MSH3: variants seen among roughly 807,000 people sequenced by gnomAD.
MSH3 encodes DNA mismatch repair protein Msh3.
Under a neutral mutation model 123.3 loss-of-function variants are expected in MSH3, and 106 were observed. The observed-to-expected ratio is 0.86, with a 90% CI of 0.73 to 1.01. The LOEUF is 1.01. MSH3 is among the 50% of genes least tolerant of loss of function. The pLI is 0.00. For synonymous variants in MSH3, 515 were observed against 481.4 expected (o/e 1.07, Z -0.91); for missense variants, 1,459 against 1,347.6 (o/e 1.08, Z -1.29).
intron 17 of MSH3, among the ~76,000 whole-genome samples, chr5:80,786,004 A>C (rs1459143283): frequency 1.9e-4 from 6 of 32,240 alleles, no homozygotes; most frequent in South Asian, 8.4e-4. Context: ...GGTGGGGGGA[A>C]GGGGGGAGGG....
intron 17 of MSH3, among the ~76,000 whole-genome samples, chr5:80,784,067 G>T (rs1313849170): frequency 6.6e-6 from 1 of 151,788 alleles, no homozygotes; most frequent in Admixed American, 6.6e-5. Context: ...AAAATTTGCT[G>T]GGTGTGGTGG....
intron 8 of MSH3, among the ~76,000 whole-genome samples, chr5:80,716,531 C>T (rs1454240350): frequency 1.3e-5 from 2 of 152,018 alleles, no homozygotes; most frequent in Non-Finnish European, 2.9e-5. Context: ...TCCTGAGTAG[C>T]TGTGATTACG....
At chr5:80,768,758 TCA>T in intron 14 of MSH3, 75 bp from the exon 15 acceptor site, 1 of 1,287,162 alleles carries the variant, frequency 7.8e-7, no homozygotes, top group Non-Finnish European at 1.1e-6. Context: ...TCCTCTTTTA[TCA>T]CACTATGAAA....
intron 12 of MSH3, 61 bp from the exon 13 acceptor site, chr5:80,761,485 G>A (rs2112879741): frequency 6.3e-7 from 1 of 1,596,724 alleles, no homozygotes; most frequent in Non-Finnish European, 8.6e-7. Flanking sequence ...ATTAGAGTGG[G>A]AAATGTCTAT....
chr5:80,780,919 G>C (rs1459739603), intron 17 of MSH3, among the ~76,000 whole-genome samples: 32 of 151,988 alleles, frequency 2.1e-4, no homozygotes, highest in Admixed American at 2.0e-3. Flanking sequence ...CCTTCAGGGA[G>C]CTTTATTGTA....
chr5:80,695,836 G>C (rs945742285), intron 8 of MSH3, among the ~76,000 whole-genome samples: 1 of 152,118 alleles, frequency 6.6e-6, no homozygotes, highest in African/African-American at 2.4e-5. Flanking sequence ...TTCAGTTGGA[G>C]GTTTGGAGGT....
intron 2 of MSH3, among the ~76,000 whole-genome samples, chr5:80,663,846 G>A (rs1191821204): frequency 1.3e-5 from 2 of 152,182 alleles, no homozygotes; most frequent in African/African-American, 4.8e-5. Context: ...CAGGGTGGGA[G>A]TGGGCCCTAG....
intron 17 of MSH3, among the ~76,000 whole-genome samples, chr5:80,779,474 C>T (rs980377124): frequency 2.6e-5 from 4 of 151,784 alleles, no homozygotes; most frequent in African/African-American, 7.3e-5. Flanking sequence ...CTTAAGCCTA[C>T]GTCTTTAAAA....
At chr5:80,827,272 C>A (rs1444498222) in intron 20 of MSH3, among the ~76,000 whole-genome samples, 1 of 152,148 alleles carries the variant, frequency 6.6e-6, no homozygotes, top group African/African-American at 2.4e-5. Flanking sequence ...TCGATGTGGC[C>A]CATAGCTAAC....
intron 8 of MSH3, among the ~76,000 whole-genome samples, chr5:80,698,841 A>G (rs944263754): frequency 2.0e-5 from 3 of 152,070 alleles, no homozygotes. Flanking sequence ...TAGGAGATAT[A>G]CCTAATGTAA....
rs533174822 is a variant in MSH3, at chr5:80,817,624, T to C, written c.2813+3883T>C. Among the ~76,000 whole-genome samples the C allele has an allele frequency of 5.3e-5, 8 of 152,254 alleles. No homozygotes were observed. The South Asian group carries it at 1.7e-3, about 32-fold the overall frequency. ...ATCCTAGAATGAATCCTAATGATAC[T>C]TAAAATCAAAATATCATTAGTCACA... On this transcript the variant is annotated intron_variant, in intron 20 of 23. Coordinates refer to ENST00000265081, the MANE Select transcript of MSH3 (RefSeq NM_002439.5).
At chr5:80,693,588 AATATATATAAACAT>A (rs1561446156) in intron 8 of MSH3, among the ~76,000 whole-genome samples, 2 of 103,710 alleles carry the variant, frequency 1.9e-5, no homozygotes, top group Non-Finnish European at 4.0e-5. Context: ...CATGTATATA[AATATATATAAACAT>A]ACATATATAC....
At chr5:80,725,708 A>G (rs1743283613) in intron 9 of MSH3, 143 bp downstream of exon 9, 1 of 697,216 alleles carries the variant, frequency 1.4e-6, no homozygotes, top group Non-Finnish European at 2.6e-6. Flanking sequence ...TGTGCTCATC[A>G]GAAACACTAT....
At chr5:80,659,139 C>T (rs1205972340) in intron 2 of MSH3, among the ~76,000 whole-genome samples, 2 of 151,272 alleles carry the variant, frequency 1.3e-5, no homozygotes, top group East Asian at 1.9e-4. Context: ...GAGGCTGAGG[C>T]GGGAGAATCC....
intron 2 of MSH3, among the ~76,000 whole-genome samples, chr5:80,662,747 A>G (rs1455283342): frequency 6.6e-6 from 1 of 152,018 alleles, no homozygotes; most frequent in Non-Finnish European, 1.5e-5. Context: ...GAATTACTTG[A>G]ATCCAGGAGG....
At chr5:80,835,389 G>A (rs1395365502) in intron 20 of MSH3, among the ~76,000 whole-genome samples, 1 of 152,160 alleles carries the variant, frequency 6.6e-6, no homozygotes, top group Non-Finnish European at 1.5e-5. Context: ...AGCGAGGCAG[G>A]CTGGAGAATG....
intron 9 of MSH3, among the ~76,000 whole-genome samples, chr5:80,727,296 C>T (rs1201877642): frequency 6.6e-6 from 1 of 152,190 alleles, no homozygotes; most frequent in Non-Finnish European, 1.5e-5. Context: ...ATCAATTTCT[C>T]AGTGGAACGG....
chr5:80,822,938 T>C (rs1745226196), intron 20 of MSH3, among the ~76,000 whole-genome samples: 1 of 152,216 alleles, frequency 6.6e-6, no homozygotes, highest in African/African-American at 2.4e-5. Context: ...CCAAATTTGT[T>C]GTTTCAGCAT....
intron 15 of MSH3, among the ~76,000 whole-genome samples, chr5:80,769,397 C>T (rs981969985): frequency 1.2e-4 from 18 of 151,834 alleles, no homozygotes; most frequent in Admixed American, 4.6e-4. Flanking sequence ...AGTGATTAAA[C>T]GGTGGGGCTT....
Sources: allele counts gnomAD v4.1 joint callset (sites outside exome capture counted in the v4.1 genomes callset), GRCh38; gene constraint gnomAD v4.1.1; transcripts MANE v1.5; gene names NCBI Gene and HGNC (gene_info 2026-07-23, HGNC 2026-07-21).